The following PDE4B variants were observed in gnomAD, a reference collection of about 807,000 sequenced individuals.
The protein encoded by PDE4B is 3',5'-cyclic-AMP phosphodiesterase 4B.
Under a neutral mutation model 82.2 loss-of-function variants are expected in PDE4B, and 20 were observed. The ratio of observed to expected loss-of-function variants is 0.24; its 90% confidence interval spans 0.17 to 0.35. The LOEUF is 0.35. Among genes scored for constraint, PDE4B ranks in the 10% least tolerant of loss-of-function variants. The pLI is 1.00. For synonymous variants in PDE4B, 320 were observed against 318.9 expected (o/e 1.00, Z -0.04); for missense variants, 655 against 907.2 (o/e 0.72, Z 3.57).
At chr1:66,075,628 G>A (rs74475585) in intron 3 of PDE4B, among the ~76,000 whole-genome samples, 9,046 of 151,974 alleles carry the variant, frequency 0.06, 376 homozygotes, top group Non-Finnish European at 0.087. Context: ...TCTAGGAGGG[G>A]CTTTCTATAT....
intron 3 of PDE4B, among the ~76,000 whole-genome samples, chr1:66,237,038 C>T (rs1302238546): frequency 6.6e-6 from 1 of 152,212 alleles, no homozygotes; most frequent in Non-Finnish European, 1.5e-5. Flanking sequence ...ACATTGTGCC[C>T]ACTCAATACC....
intron 8 of PDE4B, among the ~76,000 whole-genome samples, chr1:66,336,840 A>C (rs1660559645): frequency 6.6e-6 from 1 of 152,176 alleles, no homozygotes; most frequent in South Asian, 2.1e-4. Flanking sequence ...GCCATACTAC[A>C]GTACTAAACA....
intron 8 of PDE4B, chr1:66,355,051 C>G (rs1383057758): frequency 3.3e-6 from 2 of 615,290 alleles, no homozygotes; most frequent in Non-Finnish European, 5.6e-6. Flanking sequence ...TGTTATATTA[C>G]ATTTTATTTA....
chr1:66,161,582 TTTAAG>T (rs1414879752), intron 3 of PDE4B, among the ~76,000 whole-genome samples: 3 of 152,194 alleles, frequency 2.0e-5, no homozygotes, highest in Admixed American at 6.5e-5. Flanking sequence ...ATGTAAATTA[TTTAAG>T]TTATGTACCA....
At chr1:65,793,339 G>C (rs1251518650) in intron 1 of PDE4B, 91 bp downstream of exon 1, 4 of 152,352 alleles carry the variant, frequency 2.6e-5, no homozygotes. Context: ...GTAGGGTGCT[G>C]TGGGGCTGAT....
chr1:66,107,570 G>A (rs12404118), intron 3 of PDE4B, among the ~76,000 whole-genome samples: 9,471 of 151,356 alleles, frequency 0.063, 427 homozygotes, highest in South Asian at 0.17. Flanking sequence ...AGTCCACCTG[G>A]ATGACCAAAA....
intron 3 of PDE4B, among the ~76,000 whole-genome samples, chr1:66,166,488 C>T (rs979033040): frequency 1.1e-4 from 16 of 152,240 alleles, no homozygotes; most frequent in East Asian, 5.8e-4. Flanking sequence ...GCAATTCCAA[C>T]GCTTTGGGAG....
chr1:66,330,525 G>C (rs1440619317), intron 7 of PDE4B, among the ~76,000 whole-genome samples: 1 of 152,206 alleles, frequency 6.6e-6, no homozygotes, highest in East Asian at 1.9e-4. Flanking sequence ...CAAAAGGCTA[G>C]GAGCAAGCTA....
intron 3 of PDE4B, among the ~76,000 whole-genome samples, chr1:66,139,387 C>T (rs1646122593): frequency 6.6e-6 from 1 of 151,940 alleles, no homozygotes; most frequent in Non-Finnish European, 1.5e-5. Flanking sequence ...TTCCTCATCC[C>T]ATTGTTCCCT....
chr1:66,062,457 G>C (rs1388600374), intron 3 of PDE4B, among the ~76,000 whole-genome samples: 1 of 151,998 alleles, frequency 6.6e-6, no homozygotes, highest in Non-Finnish European at 1.5e-5. Context: ...GAGGAAATTA[G>C]GCTTTTTCTG....
intron 1 of PDE4B, among the ~76,000 whole-genome samples, chr1:65,886,600 A>G (rs184700856): frequency 4.0e-4 from 61 of 152,202 alleles, no homozygotes; most frequent in African/African-American, 1.4e-3. Flanking sequence ...CATGAGACCA[A>G]CTTTTGGTTC....
At chr1:66,282,470 C>G (rs918972245) in intron 7 of PDE4B, among the ~76,000 whole-genome samples, 14 of 152,174 alleles carry the variant, frequency 9.2e-5, no homozygotes, top group African/African-American at 2.9e-4. Context: ...AATTAGATTT[C>G]AGATCAGTAG....
intron 3 of PDE4B, among the ~76,000 whole-genome samples, chr1:65,961,896 G>A (rs940111668): frequency 6.6e-5 from 10 of 152,144 alleles, no homozygotes; most frequent in Non-Finnish European, 5.9e-5. Flanking sequence ...GGGTACATAC[G>A]CAGTAAATAA....
At chr1:66,051,843 A>G (rs1281432216) in intron 3 of PDE4B, among the ~76,000 whole-genome samples, 1 of 152,178 alleles carries the variant, frequency 6.6e-6, no homozygotes, top group African/African-American at 2.4e-5. Context: ...GTGGTAGACA[A>G]GGTGATGTAG....
At chr1:66,241,273 C>A (rs1407852108) in intron 3 of PDE4B, among the ~76,000 whole-genome samples, 16 of 152,186 alleles carry the variant, frequency 1.1e-4, no homozygotes, top group Non-Finnish European at 1.5e-5. Context: ...TTTTTCACAG[C>A]TTAGTCCTTC....
chr1:66,109,194 C>A (rs1473805815), intron 3 of PDE4B, among the ~76,000 whole-genome samples: 1 of 151,900 alleles, frequency 6.6e-6, no homozygotes, highest in Non-Finnish European at 1.5e-5. Context: ...TGAGAAACTT[C>A]TTAAAATTTT....
At chr1:66,110,183 A>C (rs1293208660) in intron 3 of PDE4B, among the ~76,000 whole-genome samples, 1 of 152,014 alleles carries the variant, frequency 6.6e-6, no homozygotes, top group African/African-American at 2.4e-5. Context: ...GCTTAAACCT[A>C]GGTTTTCAAT....
At chr1:66,263,212 T>G (rs1654811930) in intron 6 of PDE4B, among the ~76,000 whole-genome samples, 1 of 152,140 alleles carries the variant, frequency 6.6e-6, no homozygotes, top group Admixed American at 6.5e-5. Context: ...AGTGGTTCAG[T>G]AAGCACAGGA....
chr1:65,832,080 A>G (rs1646088100), intron 1 of PDE4B, among the ~76,000 whole-genome samples: 1 of 152,118 alleles, frequency 6.6e-6, no homozygotes, highest in Non-Finnish European at 1.5e-5. Context: ...AGATTCCACT[A>G]TATTGCTGTG....
Sources: allele counts gnomAD v4.1 joint callset (sites outside exome capture counted in the v4.1 genomes callset), GRCh38; gene constraint gnomAD v4.1.1; transcripts MANE v1.5; gene names NCBI Gene and HGNC (gene_info 2026-07-23, HGNC 2026-07-21).